MAML3: variants seen among roughly 807,000 people sequenced by gnomAD.
The protein encoded by MAML3 is mastermind-like protein 3.
MAML3 carries 27 observed loss-of-function variants against 101.9 expected under a neutral mutation model. That is an observed-to-expected ratio of 0.27 (90% CI 0.20 to 0.37). The LOEUF is 0.37. Ranked by LOEUF, MAML3 falls within the 10% of genes least tolerant of loss-of-function variation. The pLI is 1.00. For synonymous variants in MAML3, 501 were observed against 555.9 expected (o/e 0.90, Z 1.39); for missense variants, 1,316 against 1,444.9 (o/e 0.91, Z 1.45).
At chr4:140,041,469 C>G (rs1039733854) in intron 1 of MAML3, among the ~76,000 whole-genome samples, 6 of 152,048 alleles carry the variant, frequency 3.9e-5, no homozygotes, top group Non-Finnish European at 8.8e-5. Flanking sequence ...ACTAAAAATA[C>G]AAAAATTAGC....
intron 2 of MAML3, among the ~76,000 whole-genome samples, chr4:139,780,424 A>G (rs1398287646): frequency 2.0e-5 from 3 of 152,200 alleles, no homozygotes; most frequent in African/African-American, 7.2e-5. Flanking sequence ...CACAGTTCAA[A>G]CAACCTCAAG....
At chr4:139,856,602 G>T (rs1731668269) in intron 2 of MAML3, among the ~76,000 whole-genome samples, 1 of 152,196 alleles carries the variant, frequency 6.6e-6, no homozygotes, top group Non-Finnish European at 1.5e-5. Context: ...AAAGTCTCTT[G>T]TCGAACTTCT....
rs979629479 is a variant in MAML3 at position 139,989,842 on chromosome 4, C to T, written c.469-98875G>A. 2.3e-5 allele frequency among the ~76,000 whole-genome samples: 3 copies of T among 128,170 alleles called. No individual in the cohort carries two copies. In the South Asian group the frequency reaches 7.3e-4, roughly 31 times the overall value. 84.1% of individuals were successfully genotyped at this position (128,170 alleles called of 152,430 possible). On this transcript the variant is annotated intron_variant, in intron 1 of 4. Coordinates refer to ENST00000509479, the MANE Select transcript of MAML3 (RefSeq NM_018717.5). The stretch of plus-strand genomic sequence containing the variant: ...CTGCTGACCCCTGCACCCCACCACA[C>T]ACAAACAAACACACACACACACACA...
intron 1 of MAML3, among the ~76,000 whole-genome samples, chr4:139,920,789 A>G (rs1264146886): frequency 6.6e-6 from 1 of 152,176 alleles, no homozygotes; most frequent in African/African-American, 2.4e-5. Context: ...CCGGCACTGG[A>G]GTCCGCAGGA....
At chr4:139,881,354 A>G (rs1732214836) in intron 2 of MAML3, among the ~76,000 whole-genome samples, 1 of 152,184 alleles carries the variant, frequency 6.6e-6, no homozygotes, top group Non-Finnish European at 1.5e-5. Flanking sequence ...GCCCCTCAGC[A>G]TCACCACCAT....
intron 1 of MAML3, among the ~76,000 whole-genome samples, chr4:140,059,069 G>A (rs1387228369): frequency 6.6e-6 from 1 of 152,126 alleles, no homozygotes; most frequent in African/African-American, 2.4e-5. Context: ...TTTAAATGCA[G>A]AGCAGAATCA....
At chr4:140,129,150 T>C (rs1728737714) in intron 1 of MAML3, among the ~76,000 whole-genome samples, 1 of 152,184 alleles carries the variant, frequency 6.6e-6, no homozygotes. Flanking sequence ...AAGGTCATTG[T>C]GAAAACTGAA....
chr4:140,047,629 G>A (rs1727203333), intron 1 of MAML3, among the ~76,000 whole-genome samples: 2 of 152,100 alleles, frequency 1.3e-5, no homozygotes. Context: ...TGCAGGACAA[G>A]CCAGTTTTAC....
At chr4:139,972,177 C>A (rs905899800) in intron 1 of MAML3, among the ~76,000 whole-genome samples, 2 of 151,946 alleles carry the variant, frequency 1.3e-5, no homozygotes, top group African/African-American at 4.8e-5. Context: ...GGTATTAAGC[C>A]CAGTATCCAT....
intron 2 of MAML3, among the ~76,000 whole-genome samples, chr4:139,788,487 T>G (rs940860258): frequency 8.5e-5 from 13 of 152,230 alleles, no homozygotes; most frequent in Non-Finnish European, 1.3e-4. Flanking sequence ...TTTCTCTATA[T>G]ATCCTGAAGA....
intron 4 of MAML3, among the ~76,000 whole-genome samples, chr4:139,721,917 A>G (rs12647336): frequency 0.12 from 18,301 of 152,256 alleles, 1,286 homozygotes; most frequent in Non-Finnish European, 0.16. Context: ...TGCATGGCCA[A>G]TAAGATCAAC....
intron 1 of MAML3, among the ~76,000 whole-genome samples, chr4:140,002,994 A>G (rs1726352045): frequency 6.6e-6 from 1 of 152,228 alleles, no homozygotes; most frequent in Admixed American, 6.5e-5. Context: ...CCAGCTCCAA[A>G]GTCAGACTAA....
intron 1 of MAML3, among the ~76,000 whole-genome samples, chr4:139,927,072 C>CTTTTTTTTTTTTTTTTTTTTTTTTTTTT (rs61573991): frequency 7.4e-6 from 1 of 134,732 alleles, no homozygotes; most frequent in Non-Finnish European, 1.6e-5. Context: ...TTTCTTTTTT[C>CTTTTTTTTTTTTTTTTTTTTTTTTTTTT]TTTTTTTTTT....
chr4:139,746,589 C>T (rs556650830), intron 2 of MAML3, among the ~76,000 whole-genome samples: 29 of 152,256 alleles, frequency 1.9e-4, no homozygotes, highest in African/African-American at 6.5e-4. Context: ...GCAAATCTCC[C>T]CATCTGTCTC....
intron 1 of MAML3, among the ~76,000 whole-genome samples, chr4:140,001,028 CAAAAAAAAG>C (rs1553968333): frequency 2.7e-5 from 4 of 149,668 alleles, no homozygotes; most frequent in Non-Finnish European, 5.9e-5. Flanking sequence ...AACTCCGTCT[CAAAAAAAAG>C]AAAAAAAAGA....
At chr4:140,122,285 A>C (rs1373137235) in intron 1 of MAML3, among the ~76,000 whole-genome samples, 1 of 148,350 alleles carries the variant, frequency 6.7e-6, no homozygotes, top group Non-Finnish European at 1.5e-5. Flanking sequence ...GCAATAGCGC[A>C]ATCTCGGCTC....
intron 2 of MAML3, among the ~76,000 whole-genome samples, chr4:139,819,586 G>A (rs1036907911): frequency 1.1e-4 from 16 of 152,068 alleles, no homozygotes; most frequent in African/African-American, 3.6e-4. Flanking sequence ...TTCTTCTTGG[G>A]TATTTTTTTC....
At chr4:140,067,715 T>C (rs1385185385) in intron 1 of MAML3, among the ~76,000 whole-genome samples, 2 of 151,662 alleles carry the variant, frequency 1.3e-5, no homozygotes, top group Non-Finnish European at 1.5e-5. Context: ...TACATAAATG[T>C]CAATCTTAAT....
intron 1 of MAML3, among the ~76,000 whole-genome samples, chr4:140,011,170 T>TATATAC (rs1726552815): frequency 2.3e-5 from 1 of 43,560 alleles, no homozygotes; most frequent in African/African-American, 6.8e-5. Context: ...ATATATGACA[T>TATATAC]ATATGTCATA....
Sources: gnomAD v4.1 joint callset for allele counts (sites outside exome capture counted in the v4.1 genomes callset) on GRCh38, gnomAD v4.1.1 for gene constraint, MANE v1.5 for transcripts, NCBI Gene and HGNC (gene_info 2026-07-23, HGNC 2026-07-21) for gene names.